Variants in TYW1B observed in about 807,000 individuals in gnomAD.
The protein encoded by TYW1B is tRNA-yW synthesizing protein 1 homolog B, also known as S-adenosyl-L-methionine-dependent tRNA 4-demethylwyosine synthase TYW1B.
Under a neutral mutation model 86.9 loss-of-function variants are expected in TYW1B, and 73 were observed. The ratio of observed to expected loss-of-function variants is 0.84; its 90% CI spans 0.70 to 1.02. The LOEUF (loss-of-function observed/expected upper bound fraction) is 1.02. Among genes scored for constraint, TYW1B ranks in the 50% least tolerant of loss-of-function variants. The pLI, the probability that TYW1B is intolerant of heterozygous loss-of-function variation, is 0.00. For synonymous variants in TYW1B, 248 were observed against 292.8 expected, an observed-to-expected ratio of 0.85 and a Z score of 1.56; for missense variants, 637 against 827.4, an observed-to-expected ratio of 0.77 and a Z score of 2.82.
rs376125020 is a variant in TYW1B at position 72,585,726 on chromosome 7, C to T, written c.1786-10007G>A. ...CTTGTCTGCCTCCATGTGAGACATGCCTTTCACCTTCTGCCATGATTGTGA... is the reference window on the plus strand; with the variant it reads ...CTTGTCTGCCTCCATGTGAGACATGTCTTTCACCTTCTGCCATGATTGTGA... On this transcript the variant is annotated intron_variant, in intron 13 of 13. Coordinates refer to ENST00000620995, the MANE Select transcript of TYW1B (RefSeq NM_001145440.3). Among the ~76,000 whole-genome samples the T allele has an allele frequency of 2.1e-3, 326 of 152,252 alleles. 3 individuals are homozygous for T. Among genetic ancestry groups the T allele is most frequent in the African/African-American group, 7.2e-3 (300 of 41,544 alleles).
intron 7 of TYW1B, among the ~76,000 whole-genome samples, chr7:72,755,633 C>T (rs1211108506): frequency 3.3e-5 from 5 of 152,172 alleles, no homozygotes; most frequent in Admixed American, 2.0e-4. Context: ...CACTGCACTC[C>T]GGCCTGGGCG....
chr7:72,719,779 G>A (rs1281937338), intron 9 of TYW1B, among the ~76,000 whole-genome samples: 1 of 152,122 alleles, frequency 6.6e-6, no homozygotes, highest in Non-Finnish European at 1.5e-5. Flanking sequence ...CTGAAAAGGG[G>A]AGTGTAGCTG....
chr7:72,610,168 G>A (rs537587194), intron 13 of TYW1B, among the ~76,000 whole-genome samples: 29 of 152,270 alleles, frequency 1.9e-4, no homozygotes, highest in African/African-American at 6.5e-4. Context: ...AGGCACTAGA[G>A]CACTATGAAT....
chr7:72,736,787 C>CT (rs1554461082), intron 8 of TYW1B, among the ~76,000 whole-genome samples: 1 of 152,206 alleles, frequency 6.6e-6, no homozygotes, highest in African/African-American at 2.4e-5. Context: ...TTAATCCATG[C>CT]TGTAGCATGT....
At chr7:72,753,600 C>T (rs578123573) in intron 7 of TYW1B, among the ~76,000 whole-genome samples, 6 of 151,846 alleles carry the variant, frequency 4.0e-5, no homozygotes, top group Middle Eastern at 3.4e-3. Context: ...CCTGCTTCAG[C>T]CTCCAGAGTA....
At chr7:72,691,733 C>T (rs1400482603) in intron 11 of TYW1B, among the ~76,000 whole-genome samples, 1 of 152,124 alleles carries the variant, frequency 6.6e-6, no homozygotes, top group Non-Finnish European at 1.5e-5. Context: ...CGCTTAGAAA[C>T]TAAAGAGGCC....
At chr7:72,800,817 CAT>C (rs1554475463) in intron 6 of TYW1B, among the ~76,000 whole-genome samples, 1 of 151,344 alleles carries the variant, frequency 6.6e-6, no homozygotes, top group Admixed American at 6.6e-5. Context: ...ATTTTTTCCA[CAT>C]GACTAGATCA....
At chr7:72,623,232 A>G (rs1812268718) in intron 12 of TYW1B, among the ~76,000 whole-genome samples, 1 of 152,194 alleles carries the variant, frequency 6.6e-6, no homozygotes, top group Non-Finnish European at 1.5e-5. Context: ...AAAGAACTTA[A>G]TAACAAAAAG....
chr7:72,584,104 T>C (rs1811218523), intron 13 of TYW1B, among the ~76,000 whole-genome samples: 1 of 152,206 alleles, frequency 6.6e-6, no homozygotes, highest in African/African-American at 2.4e-5. Flanking sequence ...TGGAGTGCAG[T>C]TGTGCAATCA....
intron 13 of TYW1B, among the ~76,000 whole-genome samples, chr7:72,596,030 G>T (rs1330306433): frequency 1.1e-4 from 17 of 151,780 alleles, no homozygotes. Flanking sequence ...ACAAAAATTA[G>T]ATGGGCATGG....
intron 7 of TYW1B, among the ~76,000 whole-genome samples, chr7:72,755,667 G>GA (rs1222719975): frequency 6.6e-6 from 1 of 152,140 alleles, no homozygotes; most frequent in Non-Finnish European, 1.5e-5. Flanking sequence ...GTCTCAAACT[G>GA]AAAAAGAAGG....
At chr7:72,599,918 T>C (rs1386936314) in intron 13 of TYW1B, among the ~76,000 whole-genome samples, 2 of 152,200 alleles carry the variant, frequency 1.3e-5, no homozygotes, top group East Asian at 3.8e-4. Flanking sequence ...GTTCATGGAT[T>C]AGAAGACTCA....
chr7:72,811,180 AG>A (rs1788608858), intron 3 of TYW1B, among the ~76,000 whole-genome samples: 1 of 151,122 alleles, frequency 6.6e-6, no homozygotes, highest in South Asian at 2.1e-4. Flanking sequence ...CTAAGCCAAG[AG>A]AATGGCGTGA....
At chr7:72,763,022 T>C (rs1282736673) in intron 7 of TYW1B, among the ~76,000 whole-genome samples, 1 of 152,050 alleles carries the variant, frequency 6.6e-6, no homozygotes, top group Non-Finnish European at 1.5e-5. Context: ...ACCCTCGATA[T>C]ACTCTTTCTG....
chr7:72,668,412 C>G (rs1813516885), intron 11 of TYW1B, among the ~76,000 whole-genome samples: 1 of 152,196 alleles, frequency 6.6e-6, no homozygotes, highest in Non-Finnish European at 1.5e-5. Context: ...TAAAAGCTCT[C>G]TCAGTGTGCT....
chr7:72,659,827 G>A (rs1174847561), intron 11 of TYW1B, among the ~76,000 whole-genome samples: 1 of 152,176 alleles, frequency 6.6e-6, no homozygotes, highest in Non-Finnish European at 1.5e-5. Context: ...GGTGAGCAAG[G>A]TGAAACAGCA....
intron 7 of TYW1B, among the ~76,000 whole-genome samples, chr7:72,761,848 T>TAA (rs1787691056): frequency 6.6e-6 from 1 of 151,888 alleles, no homozygotes; most frequent in African/African-American, 2.4e-5. Flanking sequence ...AATGACTGCT[T>TAA]ATTTAAGTTA....
At chr7:72,740,060 C>T (rs1214249201) in intron 8 of TYW1B, among the ~76,000 whole-genome samples, 1 of 144,908 alleles carries the variant, frequency 6.9e-6, no homozygotes, top group African/African-American at 2.5e-5. Context: ...CGTGAAACCC[C>T]ATCTCTACTA....
chr7:72,734,629 T>C (rs1354493178), intron 8 of TYW1B, among the ~76,000 whole-genome samples: 2 of 152,126 alleles, frequency 1.3e-5, no homozygotes, highest in East Asian at 1.9e-4. Context: ...ACTAAAAAGC[T>C]GCTGCACTGC....
Sources: gnomAD v4.1 joint callset for allele counts (sites outside exome capture counted in the v4.1 genomes callset) on GRCh38, gnomAD v4.1.1 for gene constraint, MANE v1.5 for transcripts, NCBI Gene and HGNC (gene_info 2026-07-23, HGNC 2026-07-21) for gene names.